Variants in FERMT2 observed in about 807,000 individuals in gnomAD.
FERMT2 encodes fermitin family homolog 2.
FERMT2 carries 15 observed loss-of-function variants against 82.7 expected under a neutral mutation model. The observed-to-expected ratio is 0.18, with a 90% CI of 0.12 to 0.28. FERMT2 has a LOEUF of 0.28. Among genes scored for constraint, FERMT2 ranks in the 10% least tolerant of loss-of-function variants. The pLI is 1.00. For synonymous variants in FERMT2, 274 were observed against 271.5 expected (o/e 1.01, Z -0.09); for missense variants, 645 against 809.4 (o/e 0.80, Z 2.46).
intron 3 of FERMT2, 105 bp from the exon 4 acceptor site, chr14:52,893,532 T>A: frequency 1.2e-6 from 1 of 842,188 alleles, no homozygotes; most frequent in Non-Finnish European, 1.8e-6. Context: ...TCCTTCTGTA[T>A]GTCTGAGTTG....
intron 3 of FERMT2, among the ~76,000 whole-genome samples, chr14:52,901,114 A>C (rs1012897939): frequency 4.1e-5 from 5 of 122,938 alleles, no homozygotes; most frequent in African/African-American, 1.4e-4. Context: ...ACAAAAAAAA[A>C]AAAAAAAAAA....
intron 2 of FERMT2, among the ~76,000 whole-genome samples, chr14:52,937,182 GATA>G (rs1246588359): frequency 1.3e-5 from 2 of 151,738 alleles, no homozygotes; most frequent in East Asian, 3.9e-4. Context: ...TAATAATAAT[GATA>G]ATAATAATAA....
At chr14:52,894,831 T>G (rs1236563171) in intron 3 of FERMT2, among the ~76,000 whole-genome samples, 1 of 151,164 alleles carries the variant, frequency 6.6e-6, no homozygotes, top group East Asian at 1.9e-4. Context: ...GACAAAGATT[T>G]CTTAGATAGG....
chr14:52,933,571 A>G lies in FERMT2; in HGVS notation c.158-14215T>C, dbSNP rs184885410. On this transcript the variant is annotated intron_variant, in intron 2 of 14. Transcript: ENST00000341590. ...ACTAAAAATACAAAATTAGCCGGGCATGGTGGCACATGCCTGTAATCCCAG... is the reference window on the plus strand; with the variant it reads ...ACTAAAAATACAAAATTAGCCGGGCGTGGTGGCACATGCCTGTAATCCCAG... Among the ~76,000 whole-genome samples, 19 of 151,966 alleles carry G rather than the reference A, an allele frequency of 1.3e-4. No homozygotes were observed. The East Asian group carries it at 1.7e-3, about 14-fold the overall frequency.
chr14:52,922,672 C>T lies in FERMT2; in HGVS notation c.158-3316G>A, dbSNP rs116692574. ...TAAAGAGGTAATGTGCCACCAACCA[C>T]AAAATCTAAAGAATTTTTATAATGT... On this transcript the variant is annotated intron_variant, in intron 2 of 14. Transcript: ENST00000341590. 8.0e-3 allele frequency among the ~76,000 whole-genome samples: 1,219 copies of T among 152,228 alleles called. 13 individuals are homozygous for T. Among genetic ancestry groups the T allele is most frequent in the African/African-American group, 0.027 (1,138 of 41,532 alleles).
chr14:52,946,330 C>T (rs1286766720), intron 2 of FERMT2, among the ~76,000 whole-genome samples: 1 of 151,190 alleles, frequency 6.6e-6, no homozygotes. Flanking sequence ...TTTTAAAAAA[C>T]ACTATACACG....
Position 52,900,117 on chromosome 14 carries a change from T to A in FERMT2, c.392-6690A>T, listed in dbSNP as rs149651778. On this transcript the variant is annotated intron_variant, in intron 3 of 14. Coordinates refer to ENST00000341590, the MANE Select transcript of FERMT2 (RefSeq NM_006832.3). ...AGCAATGTTTTTTTTTGTTTGTTTG[T>A]TTGTTTTAAAGATAGGGGCTCACTG... is the stretch of plus-strand genomic sequence containing the variant. Among the ~76,000 whole-genome samples the A allele has an allele frequency of 6.2e-4, 95 of 152,290 alleles. 2 individuals carry two copies. The East Asian group carries it at 0.018, about 29-fold the overall frequency.
At chr14:52,942,830 T>A (rs531248154) in intron 2 of FERMT2, among the ~76,000 whole-genome samples, 24 of 152,138 alleles carry the variant, frequency 1.6e-4, no homozygotes, top group Non-Finnish European at 3.1e-4. Context: ...TCCAATGATG[T>A]CTAAAACTAT....
In FERMT2 at chr14:52,858,340, GT is replaced by G; in HGVS notation, c.*36del. Reference sequence around the variant, plus strand: ...CAAACAGCTTTTAAAGTTAAATATTGTTATGGCCGTGGAGTTTCATTAAACA... The same window carrying G: ...CAAACAGCTTTTAAAGTTAAATATTGTATGGCCGTGGAGTTTCATTAAACA... On this transcript the variant is annotated 3_prime_UTR_variant, in exon 15 of 15. Transcript: ENST00000341590. The G allele has an allele frequency of 6.4e-7, 1 of 1,555,968 alleles. No individual in the cohort carries two copies. The highest frequency in any genetic ancestry group is 8.9e-7 in the Non-Finnish European group (1 of 1,128,696).
At chr14:52,886,299 G>C (rs919746735) in intron 4 of FERMT2, among the ~76,000 whole-genome samples, 5 of 152,010 alleles carry the variant, frequency 3.3e-5, no homozygotes, top group South Asian at 2.1e-4. Context: ...GAGACAGACA[G>C]AGTGTGTGTG....
chr14:52,864,710 AAGAAAATTGAAGTGTATTT>A lies in FERMT2; in HGVS notation c.1380+18_1380+36del. 6.3e-7 allele frequency: 1 copy of A among 1,577,288 alleles called. No individual in the cohort carries two copies. The highest frequency in any genetic ancestry group is 8.7e-7 in the Non-Finnish European group (1 of 1,148,644). On this transcript the variant is annotated intron_variant, in intron 11 of 14. Coordinates refer to ENST00000341590, the MANE Select transcript of FERMT2 (RefSeq NM_006832.3). ...ATAAGGATGACTGGTCAACTCATTT[AAGAAAATTGAAGTGTATTT>A]TTAACTGGAAAACTTACATTGTCAC...
chr14:52,860,071 C>T (rs1884830675), intron 13 of FERMT2: 3 of 329,012 alleles, frequency 9.1e-6, no homozygotes, highest in Non-Finnish European at 1.1e-5. Flanking sequence ...CCCACCTCGG[C>T]CTCCCACAGT....
chr14:52,891,749 C>T (rs886832380), intron 4 of FERMT2, among the ~76,000 whole-genome samples: 1 of 152,138 alleles, frequency 6.6e-6, no homozygotes, highest in Non-Finnish European at 1.5e-5. Context: ...GGGGACCCAT[C>T]CTAAGTAATG....
At chr14:52,874,455 G>A (rs1272626472) in intron 8 of FERMT2, among the ~76,000 whole-genome samples, 3 of 152,044 alleles carry the variant, frequency 2.0e-5, no homozygotes, top group Admixed American at 6.6e-5. Flanking sequence ...CATCAAAATG[G>A]CAATTTATAC....
rs1566712312 is a variant in FERMT2, at chr14:52,858,748, T to A, written c.1870-198A>T. 7 of 500,612 alleles carry A rather than the reference T, an allele frequency of 1.4e-5. 1 individual carries two copies. The East Asian group carries it at 2.1e-4, about 15-fold the overall frequency. 31.0% of individuals were successfully genotyped at this position (500,612 alleles called of 1,614,324 possible). On this transcript the variant is annotated intron_variant, in intron 14 of 14. Transcript: ENST00000341590. ...TAAGTTTATTGCCCTTCCCCTACAC[T>A]TTAAGTTTTCATGTTCTGAAAAGGA...
At chr14:52,901,756 T>C (rs545642260) in intron 3 of FERMT2, among the ~76,000 whole-genome samples, 28 of 152,284 alleles carry the variant, frequency 1.8e-4, no homozygotes, top group African/African-American at 6.0e-4. Flanking sequence ...CAAAATTCAT[T>C]CTCACAGCCT....
At chr14:52,932,613 T>C (rs1003887317) in intron 2 of FERMT2, among the ~76,000 whole-genome samples, 1 of 151,950 alleles carries the variant, frequency 6.6e-6, no homozygotes, top group Non-Finnish European at 1.5e-5. Flanking sequence ...TTAAGAAAAA[T>C]AATAACAATA....
At position 52,889,373 on chromosome 14, in the gene FERMT2, A is replaced by G. The variant is rs1044430755; in HGVS notation, c.526+3920T>C. ...TCTAGCCTCTGAAAGGAAAGAACTG[A>G]GGAATAGTACACAGACCAGAAATAA... On this transcript the variant is annotated intron_variant, in intron 4 of 14. Coordinates refer to ENST00000341590, the MANE Select transcript of FERMT2 (RefSeq NM_006832.3). Among the ~76,000 whole-genome samples the G allele has an allele frequency of 2.6e-5, 4 of 152,338 alleles. No individual in the cohort carries two copies. The South Asian group carries it at 6.2e-4, about 24-fold the overall frequency.
intron 4 of FERMT2, among the ~76,000 whole-genome samples, chr14:52,891,404 A>G (rs1405345712): frequency 1.3e-5 from 2 of 152,182 alleles, no homozygotes; most frequent in East Asian, 3.8e-4. Flanking sequence ...CCTATAAACT[A>G]CTTAAGAGTA....
Sources: allele counts gnomAD v4.1 joint callset (sites outside exome capture counted in the v4.1 genomes callset), GRCh38; gene constraint gnomAD v4.1.1; transcripts MANE v1.5; gene names NCBI Gene and HGNC (gene_info 2026-07-23, HGNC 2026-07-21).